FAHD2A: variants seen among roughly 807,000 people sequenced by gnomAD.
The protein encoded by FAHD2A is oxaloacetate tautomerase FAHD2A, mitochondrial.
In FAHD2A, 27 loss-of-function variants were observed where a neutral mutation model predicts 33.4. The ratio of observed to expected loss-of-function variants is 0.81; its 90% CI spans 0.60 to 1.11. The LOEUF is 1.11. Ranked by LOEUF, FAHD2A falls within the 50% of genes most tolerant of loss-of-function variation. The pLI is 0.00. For synonymous variants in FAHD2A, 130 were observed against 153.3 expected, an observed-to-expected ratio of 0.85 and a Z score of 1.12; for missense variants, 296 against 395.0, an observed-to-expected ratio of 0.75 and a Z score of 2.12.
Position 95,414,118 on chromosome 2 carries a change from C to T in FAHD2A, c.*1161C>T, listed in dbSNP as rs1371962926. On this transcript the variant is annotated 3_prime_UTR_variant, in exon 8 of 8. Transcript: ENST00000233379. ...TAAAGAAGCCCAGGGAGGGATAGAT[C>T]TCCGACTGGACAGAAGACTACTCTG... is the stretch of plus-strand genomic sequence containing the variant. 1 of 1,484,412 alleles carries T rather than the reference C, an allele frequency of 6.7e-7. No individual in the cohort carries two copies. The highest frequency in any genetic ancestry group is 9.3e-7 in the Non-Finnish European group (1 of 1,077,230). The allele number at this position is 1,484,412 out of a possible 1,614,324, so 92.0% of individuals were successfully genotyped here. A position where few individuals can be genotyped will look rare whatever the true frequency, so the allele number is the denominator to read the frequency against.
chr2:95,403,665 G>T (rs1681077395), intron 1 of FAHD2A, among the ~76,000 whole-genome samples: 1 of 152,208 alleles, frequency 6.6e-6, no homozygotes, highest in Non-Finnish European at 1.5e-5. Flanking sequence ...TCTGAACCAA[G>T]GACTTCATGT....
downstream of FAHD2A, among the ~76,000 whole-genome samples, chr2:95,419,703 A>G (rs1231515709): frequency 6.6e-6 from 1 of 152,026 alleles, no homozygotes; most frequent in African/African-American, 2.4e-5. Flanking sequence ...TGTATTAGTC[A>G]GAGTTCTCCA....
At position 95,414,212 on chromosome 2, in the gene FAHD2A, G is replaced by C. The variant is rs1381265828; in HGVS notation, c.*1255G>C. 2 of 1,593,122 alleles carry C rather than the reference G, an allele frequency of 1.3e-6. No individual in the cohort carries two copies. Among genetic ancestry groups the C allele is most frequent in the African/African-American group, 2.7e-5 (2 of 74,082 alleles). The stretch of plus-strand genomic sequence containing the variant: ...GCAGCAGCCACCAGCAAACACCACT[G>C]CCTGCAGGAGCCTGGGCTGACTGGT... On this transcript the variant is annotated 3_prime_UTR_variant, in exon 8 of 8. Transcript: ENST00000233379.
At chr2:95,412,787 G>A in intron 7 of FAHD2A, 23 bp downstream of exon 7, 1 of 1,614,190 alleles carries the variant, frequency 6.2e-7, no homozygotes, top group Non-Finnish European at 8.5e-7. Flanking sequence ...AAAGCAAAGA[G>A]CAAGGGCCCC....
chr2:95,409,761 T>C (rs536790186), intron 3 of FAHD2A, among the ~76,000 whole-genome samples: 7 of 152,266 alleles, frequency 4.6e-5, no homozygotes, highest in Admixed American at 1.3e-4. Flanking sequence ...TTACATTCTT[T>C]AGGTGACCTC....
At position 95,415,621 on chromosome 2, in the gene FAHD2A, C is replaced by T. The variant is rs912766206; in HGVS notation, c.*2664C>T. 3 of 152,580 alleles carry T rather than the reference C, an allele frequency of 2.0e-5. No homozygotes were observed. The highest frequency in any genetic ancestry group is 6.5e-5 in the Admixed American group (1 of 15,278). The allele number at this position is 152,580 out of a possible 1,614,324, so 9.5% of individuals were successfully genotyped here. On this transcript the variant is annotated 3_prime_UTR_variant, in exon 8 of 8. Transcript: ENST00000233379. ...GCGGCAACACTCTCCATGTATCACT[C>T]GCCAGCCGTGCAGTCCTCACTCTCT...
chr2:95,408,973 G>C (rs879271656), intron 3 of FAHD2A, among the ~76,000 whole-genome samples: 3 of 152,126 alleles, frequency 2.0e-5, no homozygotes, highest in Non-Finnish European at 4.4e-5. Context: ...GAAGAATCCA[G>C]TTGTCTCATA....
intron 3 of FAHD2A, among the ~76,000 whole-genome samples, chr2:95,409,300 T>G (rs1041423479): frequency 3.3e-5 from 5 of 152,022 alleles, no homozygotes; most frequent in African/African-American, 9.7e-5. Context: ...ATTATTGCAC[T>G]GGGGGTTAGA....
In FAHD2A at chr2:95,407,115, C is replaced by T. The variant is rs762410508; in HGVS notation, c.420C>T (p.Ile140=). Residue 140 remains isoleucine, a synonymous_variant, in exon 3 of 8, where the codon ATC becomes ATT. Coordinates refer to ENST00000233379, the MANE Select transcript of FAHD2A (RefSeq NM_016044.3). The part of the protein sequence containing the change: ...PIIFSKFASS[I]VGPYDEVVLP... ...TCTTCAGCAAGTTTGCCAGCTCCAT[C>T]GTGGGGCCCTATGATGAGGTGGTCC... 2.6e-5 allele frequency: 42 copies of T among 1,612,022 alleles called. No homozygotes were observed. Among genetic ancestry groups the T allele is most frequent in the Middle Eastern group, 4.4e-4 (2 of 4,540 alleles).
chr2:95,404,629 T>A (rs1681240050), intron 1 of FAHD2A, among the ~76,000 whole-genome samples: 1 of 152,226 alleles, frequency 6.6e-6, no homozygotes, highest in South Asian at 2.1e-4. Context: ...CTCCTGAAGT[T>A]AACAAGCACT....
rs1314504896 is a variant in FAHD2A at position 95,405,817 on chromosome 2, C to T, written c.245+14C>T. 6.3e-7 allele frequency: 1 copy of T among 1,577,456 alleles called. No homozygotes were observed. The highest frequency in any genetic ancestry group is 8.6e-7 in the Non-Finnish European group (1 of 1,161,182). On this transcript the variant is annotated intron_variant, in intron 2 of 7. Coordinates refer to ENST00000233379, the MANE Select transcript of FAHD2A (RefSeq NM_016044.3). ...AGTGGCAAGAAGGTAAGTAAGTGGG[C>T]AGCATCGCCCTGAAGCAGCTGCCCT...
At chr2:95,421,036 T>C (rs1683308858), downstream of FAHD2A, among the ~76,000 whole-genome samples, 1 of 143,852 alleles carries the variant, frequency 7.0e-6, no homozygotes, top group Non-Finnish European at 1.5e-5. Flanking sequence ...TGTGTGTGTG[T>C]GTGTGTGTGT....
chr2:95,418,533 C>T (rs1191700496), downstream of FAHD2A, among the ~76,000 whole-genome samples: 1 of 151,900 alleles, frequency 6.6e-6, no homozygotes, highest in Non-Finnish European at 1.5e-5. Context: ...GAGAAGAGGG[C>T]ATACGTGGAG....
In FAHD2A at chr2:95,413,265, C is replaced by T. The variant is rs1281668996; in HGVS notation, c.*308C>T. On this transcript the variant is annotated 3_prime_UTR_variant, in exon 8 of 8. Transcript: ENST00000233379. ...AGATGCTGCTGGGCTGGGGAAAAGA[C>T]AATTCGTGTCGTCCCCTTGTTTATC... 13 of 1,332,620 alleles carry T rather than the reference C, an allele frequency of 9.8e-6. No homozygotes were observed. The highest frequency in any genetic ancestry group is 2.9e-5 in the Admixed American group (1 of 34,530). 82.5% of individuals were successfully genotyped at this position (1,332,620 alleles called of 1,614,324 possible).
At chr2:95,406,795 A>T in intron 2 of FAHD2A, 146 bp from the exon 3 acceptor site, 1 of 1,427,986 alleles carries the variant, frequency 7.0e-7, no homozygotes. Flanking sequence ...ATAGTCAGTG[A>T]TTTTCACACT....
At chr2:95,403,206 T>C (rs1448870230) in intron 1 of FAHD2A, among the ~76,000 whole-genome samples, 1 of 152,196 alleles carries the variant, frequency 6.6e-6, no homozygotes, top group Non-Finnish European at 1.5e-5. Flanking sequence ...CTGTGTGATA[T>C]AGTGGTTGTT....
chr2:95,417,773 A>G (rs951960698), downstream of FAHD2A, among the ~76,000 whole-genome samples: 1 of 151,988 alleles, frequency 6.6e-6, no homozygotes, highest in African/African-American at 2.4e-5. Context: ...AAAGAATGAG[A>G]ATGAGAGGAA....
intron 4 of FAHD2A, 71 bp from the exon 5 acceptor site, chr2:95,410,793 A>G (rs1306144051): frequency 1.3e-6 from 2 of 1,593,784 alleles, no homozygotes; most frequent in Non-Finnish European, 1.7e-6. Flanking sequence ...CAGCTTAGAG[A>G]TCCCTTGCCA....
chr2:95,418,214 G>T (rs901957953), downstream of FAHD2A, among the ~76,000 whole-genome samples: 5 of 151,998 alleles, frequency 3.3e-5, no homozygotes, highest in Non-Finnish European at 7.4e-5. Context: ...AGGCAAAATA[G>T]AAAATGGATA....
Sources: allele counts gnomAD v4.1 joint callset (sites outside exome capture counted in the v4.1 genomes callset), GRCh38; gene constraint gnomAD v4.1.1; transcripts MANE v1.5; gene names NCBI Gene and HGNC (gene_info 2026-07-23, HGNC 2026-07-21).